Variants in AP1B1 observed in about 807,000 individuals in gnomAD.
AP1B1 encodes the protein adaptor related protein complex 1 subunit beta 1, also known as AP-1 complex subunit beta-1.
AP1B1 carries 36 observed loss-of-function variants against 104.3 expected under a neutral mutation model. That is an observed-to-expected ratio of 0.35 (90% confidence interval 0.26 to 0.46). The LOEUF is 0.46. Among genes scored for constraint, AP1B1 ranks in the 20% least tolerant of loss-of-function variants. The pLI is 1.00. For synonymous variants in AP1B1, 504 were observed against 517.5 expected, an observed-to-expected ratio of 0.97 and a Z score of 0.35; for missense variants, 901 against 1,247.9, an observed-to-expected ratio of 0.72 and a Z score of 4.19.
At chr22:29,329,845 G>GAT (rs1436155360) in intron 21 of AP1B1, 125 bp from the exon 22 acceptor site, 80 of 1,530,232 alleles carry the variant, frequency 5.2e-5, no homozygotes, top group Non-Finnish European at 6.8e-5. Context: ...GACCCAGGAG[G>GAT]GGCAGTGTCT....
At chr22:29,387,652 C>T (rs1355640109) in intron 1 of AP1B1, among the ~76,000 whole-genome samples, 2 of 152,152 alleles carry the variant, frequency 1.3e-5, no homozygotes, top group Non-Finnish European at 2.9e-5. Flanking sequence ...TCCAGTCTTT[C>T]CTTTGTCTCT....
chr22:29,344,057 C>T (rs1278143942), intron 11 of AP1B1, among the ~76,000 whole-genome samples: 1 of 151,114 alleles, frequency 6.6e-6, no homozygotes, highest in Non-Finnish European at 1.5e-5. Flanking sequence ...TTGCAGTGAG[C>T]CGAGGTCTCG....
chr22:29,377,536 C>T (rs1051413961), intron 1 of AP1B1, among the ~76,000 whole-genome samples: 1 of 152,016 alleles, frequency 6.6e-6, no homozygotes, highest in Non-Finnish European at 1.5e-5. Flanking sequence ...CGTGGAAAGG[C>T]GTGGTGGTTC....
Position 29,354,818 on chromosome 22 carries a change from A to C in AP1B1, c.770T>G (p.Leu257Arg). The C allele has an allele frequency of 6.2e-7, 1 of 1,614,080 alleles. No individual in the cohort carries two copies. Among genetic ancestry groups the C allele is most frequent in the Non-Finnish European group, 8.5e-7 (1 of 1,180,020 alleles). The stretch of plus-strand genomic sequence containing the variant: ...CTTCATCAGCACCTTCACAGCAGAG[A>C]GCACCACAGCGGAGTTGGCATGGGA... ...RLSHANSAVV[L>R]SAVKVLMKFM... The change falls in exon 7 of 23, where the codon CTC becomes CGC. Residue 257 changes from leucine (L) to arginine (R), a missense_variant. Leu to Arg is a moderately radical substitution (Grantham distance 102, BLOSUM62 -2). Coordinates refer to ENST00000357586, the MANE Select transcript of AP1B1 (RefSeq NM_001127.4).
At chr22:29,379,370 T>G (rs1466539511) in intron 1 of AP1B1, among the ~76,000 whole-genome samples, 1 of 152,090 alleles carries the variant, frequency 6.6e-6, no homozygotes, top group East Asian at 1.9e-4. Context: ...ATAAAGTAAG[T>G]AAGGCTTCTT....
At chr22:29,365,135 T>C (rs574187855) in intron 2 of AP1B1, among the ~76,000 whole-genome samples, 1 of 152,192 alleles carries the variant, frequency 6.6e-6, no homozygotes, top group Non-Finnish European at 1.5e-5. Flanking sequence ...CAGTAACGTA[T>C]AGCCAATGCT....
At chr22:29,340,248 T>C (rs993573320) in intron 14 of AP1B1, among the ~76,000 whole-genome samples, 4 of 152,204 alleles carry the variant, frequency 2.6e-5, no homozygotes, top group Admixed American at 1.3e-4. Context: ...TGGGCTGCTA[T>C]TCCCAGCTGG....
chr22:29,347,925 A>C (rs2061816932), intron 11 of AP1B1, among the ~76,000 whole-genome samples: 1 of 152,262 alleles, frequency 6.6e-6, no homozygotes, highest in South Asian at 2.1e-4. Context: ...TACTGTTTCA[A>C]TGAGCACAAG....
At chr22:29,361,005 G>A (rs952692466) in intron 3 of AP1B1, among the ~76,000 whole-genome samples, 1 of 152,208 alleles carries the variant, frequency 6.6e-6, no homozygotes, top group Non-Finnish European at 1.5e-5. Context: ...ATGGGGAGGA[G>A]GGAGGAGGAA....
intron 16 of AP1B1, among the ~76,000 whole-genome samples, chr22:29,335,030 G>A (rs1012182665): frequency 1.3e-5 from 2 of 152,120 alleles, no homozygotes; most frequent in African/African-American, 2.4e-5. Context: ...AGGTTCCCTC[G>A]CCCCAGTGAT....
At chr22:29,337,680 A>G (rs867364351) in intron 16 of AP1B1, among the ~76,000 whole-genome samples, 2 of 152,286 alleles carry the variant, frequency 1.3e-5, no homozygotes, top group South Asian at 2.1e-4. Context: ...CATGGCCCAC[A>G]CTGAGCTCTC....
In AP1B1 at chr22:29,358,711, G is replaced by A. The variant is rs1305159635; in HGVS notation, c.525+15C>T. 4.4e-6 allele frequency: 7 copies of A among 1,604,974 alleles called. No homozygotes were observed. Among genetic ancestry groups the A allele is most frequent in the African/African-American group, 1.3e-5 (1 of 74,898 alleles). ...GGAGGTGGTGGAGGTAGCACGGTGG[G>A]TGGCAGTGGCTTACCATGGGGTTAG... On this transcript the variant is annotated intron_variant, in intron 5 of 22. Transcript: ENST00000357586.
At chr22:29,375,839 G>A (rs935111639) in intron 1 of AP1B1, among the ~76,000 whole-genome samples, 5 of 152,186 alleles carry the variant, frequency 3.3e-5, no homozygotes, top group African/African-American at 4.8e-5. Context: ...CTGTTCTGGT[G>A]GAAAGAAGGG....
At chr22:29,379,956 C>T (rs1019868486) in intron 1 of AP1B1, among the ~76,000 whole-genome samples, 13 of 152,104 alleles carry the variant, frequency 8.5e-5, no homozygotes, top group African/African-American at 2.9e-4. Context: ...TTACCTAAGG[C>T]CAAAACAAGA....
intron 15 of AP1B1, 108 bp from the exon 16 acceptor site, chr22:29,339,241 G>A (rs2061679406): frequency 3.9e-6 from 5 of 1,297,406 alleles, no homozygotes; most frequent in Admixed American, 1.9e-5. Context: ...GGGGCAGGGG[G>A]CAGGACAGCC....
Position 29,328,806 on chromosome 22 carries a change from G to A in AP1B1, c.*15C>T, listed in dbSNP as rs1439111919. 6.2e-7 allele frequency: 1 copy of A among 1,600,092 alleles called. No homozygotes were observed. Among genetic ancestry groups the A allele is most frequent in the Non-Finnish European group, 8.5e-7 (1 of 1,175,996 alleles). ...TGGGGCGGGCAGAAGGCTGGGGTGGGCGCTGGCCGGGGTCTCAGTTCTTGA... is the reference window on the plus strand; with the variant it reads ...TGGGGCGGGCAGAAGGCTGGGGTGGACGCTGGCCGGGGTCTCAGTTCTTGA... On this transcript the variant is annotated 3_prime_UTR_variant, in exon 23 of 23. Coordinates refer to ENST00000357586, the MANE Select transcript of AP1B1 (RefSeq NM_001127.4). The surrounding 1 kb of genome is among the most constrained non-coding windows in gnomAD (Gnocchi z 4.1).
At chr22:29,365,019 C>A (rs1185090330) in intron 2 of AP1B1, among the ~76,000 whole-genome samples, 1 of 152,170 alleles carries the variant, frequency 6.6e-6, no homozygotes, top group East Asian at 1.9e-4. Flanking sequence ...CCTCTAAGCC[C>A]TTCTCTAAGC....
intron 16 of AP1B1, among the ~76,000 whole-genome samples, chr22:29,338,018 C>G (rs1292240083): frequency 6.6e-6 from 1 of 152,218 alleles, no homozygotes; most frequent in East Asian, 1.9e-4. Flanking sequence ...TGCCAGCTTC[C>G]TCCTTCACTG....
chr22:29,339,245 G>A (rs1195670652), intron 15 of AP1B1, 112 bp from the exon 16 acceptor site: 1 of 1,242,882 alleles, frequency 8.0e-7, no homozygotes, highest in East Asian at 2.4e-5. Context: ...CAGGGGGCAG[G>A]ACAGCCTCCA....
Sources: allele counts gnomAD v4.1 joint callset (sites outside exome capture counted in the v4.1 genomes callset), GRCh38; gene constraint gnomAD v4.1.1; non-coding constraint Gnocchi (gnomAD v3.1); transcripts MANE v1.5; gene names NCBI Gene and HGNC (gene_info 2026-07-23, HGNC 2026-07-21).